Variants in PCDHGA2 observed in about 807,000 individuals in gnomAD.
The protein encoded by PCDHGA2 is protocadherin gamma-A2.
A neutral mutation model predicts 59.2 loss-of-function variants in PCDHGA2; 40 were observed. The observed-to-expected ratio is 0.68, with a 90% CI of 0.52 to 0.88. The LOEUF is 0.88. Among genes scored for constraint, PCDHGA2 ranks in the 40% least tolerant of loss-of-function variants. The pLI is 0.00. For missense variants in PCDHGA2, 1,226 were observed against 1,204.0 expected (o/e 1.02, Z -0.27); for synonymous variants, 560 against 526.0 (o/e 1.06, Z -0.89).
At chr5:141,426,507 C>G in intron 1 of PCDHGA2, 1 of 342,512 alleles carries the variant, frequency 2.9e-6, no homozygotes, top group Non-Finnish European at 5.8e-6. Context: ...AGAAACAATA[C>G]TTTACCGTGA....
rs1224625072 is a variant in PCDHGA2, at chr5:141,490,972, C to T, written c.2425-3835C>T. ...AGACTGGGAACACTCAGCCCCCCAG[C>T]GTCTCCCTCGCTCTGCTCCTCCTGG... On this transcript the variant is annotated intron_variant, in intron 1 of 3. Transcript: ENST00000394576. This position sits in a 1 kb window ranked among gnomAD's most constrained non-coding sequence, Gnocchi z 5.4. The T allele has an allele frequency of 1.2e-5, 20 of 1,613,912 alleles. No individual in the cohort carries two copies. Among genetic ancestry groups the T allele is most frequent in the East Asian group, 4.5e-5 (2 of 44,882 alleles).
rs535194185 is a variant in PCDHGA2, at chr5:141,485,480, A to C, written c.2425-9327A>C. 6.2e-7 allele frequency: 1 copy of C among 1,614,154 alleles called. No individual in the cohort carries two copies. The highest frequency in any genetic ancestry group is 1.7e-5 in the Admixed American group (1 of 60,020). On this transcript the variant is annotated intron_variant, in intron 1 of 3. Coordinates refer to ENST00000394576, the MANE Select transcript of PCDHGA2 (RefSeq NM_018915.4). This position sits in a 1 kb window ranked among gnomAD's most constrained non-coding sequence, Gnocchi z 5.7. The stretch of plus-strand genomic sequence containing the variant: ...ACTGTGTGGGCTCAGTGCCAGCTGC[A>C]TCGTGCCCCTGGAGTTTGTCACCGA...
rs778960850 is a variant in PCDHGA2, at chr5:141,389,261, G to A, written c.2424+47866G>A. 2.0e-5 allele frequency: 32 copies of A among 1,613,890 alleles called. No homozygotes were observed. The East Asian group carries it at 7.1e-4, about 36-fold the overall frequency. ...CACAGTCTTCCTATATAGTCCACGT[G>A]GCCGAGAACAACCCGCCTGGAGCCT... On this transcript the variant is annotated intron_variant, in intron 1 of 3. Coordinates refer to ENST00000394576, the MANE Select transcript of PCDHGA2 (RefSeq NM_018915.4).
At chr5:141,421,325 G>T in intron 1 of PCDHGA2, 1 of 1,613,906 alleles carries the variant, frequency 6.2e-7, no homozygotes, top group Non-Finnish European at 8.5e-7. Flanking sequence ...AGGCAGATCC[G>T]ATATTCGGTG....
chr5:141,431,376 CT>C lies in PCDHGA2; in HGVS notation c.2425-63430del. The C allele has an allele frequency of 1.2e-6, 2 of 1,613,436 alleles. No individual in the cohort carries two copies. The highest frequency in any genetic ancestry group is 1.7e-6 in the Non-Finnish European group (2 of 1,179,562). On this transcript the variant is annotated intron_variant, in intron 1 of 3. Transcript: ENST00000394576. This position sits in a 1 kb window ranked among gnomAD's most constrained non-coding sequence, Gnocchi z 4.8. ...CGCGCCCTGGACCGCGAAGAAAAGG[CT>C]GCTCACCACCTGGTCCTTACGGCCT...
chr5:141,362,084 G>T lies in PCDHGA2; in HGVS notation c.2424+20689G>T, dbSNP rs373978037. 6.6e-5 allele frequency: 107 copies of T among 1,613,188 alleles called. No homozygotes were observed. In the African/African-American group the frequency reaches 1.3e-3, roughly 20 times the overall value. The stretch of plus-strand genomic sequence containing the variant: ...CTGCTGGTCGCTGTGCGTGATGGAG[G>T]ACAGCCGCCACTCTCCGCTACGGCC... On this transcript the variant is annotated intron_variant, in intron 1 of 3. Coordinates refer to ENST00000394576, the MANE Select transcript of PCDHGA2 (RefSeq NM_018915.4).
chr5:141,504,180 A>G (rs1195970606), intron 2 of PCDHGA2, among the ~76,000 whole-genome samples: 1 of 152,236 alleles, frequency 6.6e-6, no homozygotes, highest in Non-Finnish European at 1.5e-5. Context: ...ATTCAAAAAA[A>G]TCATGAAAAT....
intron 1 of PCDHGA2, chr5:141,383,331 G>T: frequency 1.2e-6 from 2 of 1,613,992 alleles, no homozygotes; most frequent in Non-Finnish European, 1.7e-6. Context: ...AAATAATGGA[G>T]AATACAGCTC....
intron 1 of PCDHGA2, chr5:141,394,343 C>T: frequency 1.2e-6 from 2 of 1,614,158 alleles, no homozygotes; most frequent in African/African-American, 1.3e-5. Context: ...TCAACTCTGA[C>T]ACCGGTGTCC....
intron 1 of PCDHGA2, chr5:141,399,710 T>C: frequency 6.2e-7 from 1 of 1,613,346 alleles, no homozygotes; most frequent in South Asian, 1.1e-5. Flanking sequence ...GAACTCACAC[T>C]ACAGGCCCGC....
At position 141,487,152 on chromosome 5, in the gene PCDHGA2, C is replaced by T. The variant is rs772254681; in HGVS notation, c.2425-7655C>T. On this transcript the variant is annotated intron_variant, in intron 1 of 3. Coordinates refer to ENST00000394576, the MANE Select transcript of PCDHGA2 (RefSeq NM_018915.4). The surrounding 1 kb of genome is among the most constrained non-coding windows in gnomAD (Gnocchi z 5.0). ...AGTCCACCACTCTCTACCTCTGTTA[C>T]TCTCTTAGTGTCCTTAGAGGAAGAC... 3.7e-6 allele frequency: 6 copies of T among 1,613,860 alleles called. No homozygotes were observed. Among genetic ancestry groups the T allele is most frequent in the Non-Finnish European group, 5.1e-6 (6 of 1,179,828 alleles).
chr5:141,505,507 A>G, intron 3 of PCDHGA2, 26 bp downstream of exon 3: 1 of 1,614,004 alleles, frequency 6.2e-7, no homozygotes, highest in South Asian at 1.1e-5. Flanking sequence ...GTGTGTATGG[A>G]AGAGTGGGAG....
At chr5:141,374,161 C>G in intron 1 of PCDHGA2, 1 of 1,612,316 alleles carries the variant, frequency 6.2e-7, no homozygotes, top group South Asian at 1.1e-5. Flanking sequence ...TGTGGGGGGC[C>G]GCGGCAGCGC....
intron 1 of PCDHGA2, chr5:141,426,875 C>T (rs1005769074): frequency 8.8e-6 from 4 of 456,566 alleles, no homozygotes; most frequent in African/African-American, 4.0e-5. Context: ...TGGAGAAGCC[C>T]CTGGGCCAGG....
chr5:141,371,524 G>T, intron 1 of PCDHGA2: 1 of 1,613,756 alleles, frequency 6.2e-7, no homozygotes, highest in Non-Finnish European at 8.5e-7. Flanking sequence ...CTAGATTCTG[G>T]ATTTAATGGA....
Position 141,486,534 on chromosome 5 carries a change from C to G in PCDHGA2, c.2425-8273C>G. The stretch of plus-strand genomic sequence containing the variant: ...TCAGATGTGAATGATAATCCACCCT[C>G]TTTCTTTCAGAGGTCACATGAGGTG... On this transcript the variant is annotated intron_variant, in intron 1 of 3. Transcript: ENST00000394576. The surrounding 1 kb of genome is among the most constrained non-coding windows in gnomAD (Gnocchi z 5.0). 1 of 1,614,176 alleles carries G rather than the reference C, an allele frequency of 6.2e-7. No individual in the cohort carries two copies. Among genetic ancestry groups the G allele is most frequent in the Non-Finnish European group, 8.5e-7 (1 of 1,180,030 alleles).
intron 1 of PCDHGA2, chr5:141,430,905 C>T: frequency 6.2e-7 from 1 of 1,606,922 alleles, no homozygotes; most frequent in Non-Finnish European, 8.5e-7. Context: ...GGCGACATCT[C>T]CAGGGACCTG....
At position 141,418,023 on chromosome 5, in the gene PCDHGA2, G is replaced by A. The variant is rs375588252; in HGVS notation, c.2424+76628G>A. 244 of 1,613,996 alleles carry A rather than the reference G, an allele frequency of 1.5e-4. No individual in the cohort carries two copies. The Middle Eastern group carries it at 3.5e-3, about 23-fold the overall frequency. On this transcript the variant is annotated intron_variant, in intron 1 of 3. Coordinates refer to ENST00000394576, the MANE Select transcript of PCDHGA2 (RefSeq NM_018915.4). ...GTGGGGAACCTCGCTAAGGATCTAGGGCTTAGTGTCCTGGATGTGTCGGCT... is the reference window on the plus strand; with the variant it reads ...GTGGGGAACCTCGCTAAGGATCTAGAGCTTAGTGTCCTGGATGTGTCGGCT...
intron 1 of PCDHGA2, chr5:141,390,154 C>A: frequency 6.2e-7 from 1 of 1,614,038 alleles, no homozygotes; most frequent in African/African-American, 1.3e-5. Flanking sequence ...GTTGCACATA[C>A]AGGAAAGACG....
Sources: gnomAD v4.1 joint callset for allele counts (sites outside exome capture counted in the v4.1 genomes callset) on GRCh38, gnomAD v4.1.1 for gene constraint, Gnocchi (gnomAD v3.1) non-coding constraint, MANE v1.5 for transcripts, NCBI Gene and HGNC (gene_info 2026-07-23, HGNC 2026-07-21) for gene names.